Variants in NRG3 observed in about 807,000 individuals in gnomAD.
The protein encoded by NRG3 is pro-neuregulin-3, membrane-bound isoform.
Under a neutral mutation model 66.9 loss-of-function variants are expected in NRG3, and 31 were observed. That is an observed-to-expected ratio of 0.46 (90% confidence interval 0.35 to 0.63). The LOEUF (loss-of-function observed/expected upper bound fraction) is 0.63. Among genes scored for constraint, NRG3 ranks in the 20% least tolerant of loss-of-function variants. NRG3 has a pLI of 0.00. For missense variants in NRG3, 910 were observed against 878.9 expected, an observed-to-expected ratio of 1.04 and a Z score of -0.45; for synonymous variants, 393 against 359.4, an observed-to-expected ratio of 1.09 and a Z score of -1.06.
chr10:82,097,750 G>A (rs1472149001), intron 1 of NRG3, among the ~76,000 whole-genome samples: 3 of 151,924 alleles, frequency 2.0e-5, no homozygotes, highest in Non-Finnish European at 4.4e-5. Context: ...ATTCCTGACA[G>A]CATTTGGTAG....
intron 2 of NRG3, among the ~76,000 whole-genome samples, chr10:82,546,093 T>C (rs1383200058): frequency 6.6e-6 from 1 of 152,180 alleles, no homozygotes; most frequent in Admixed American, 6.5e-5. Context: ...TTAAACTTCA[T>C]TCCTCTGTAA....
At chr10:82,353,149 A>G (rs1291516226) in intron 1 of NRG3, among the ~76,000 whole-genome samples, 1 of 152,182 alleles carries the variant, frequency 6.6e-6, no homozygotes, top group African/African-American at 2.4e-5. Context: ...TGGGAGTGCT[A>G]AAGTGCAAGT....
At chr10:82,080,562 C>T (rs1240362333) in intron 1 of NRG3, among the ~76,000 whole-genome samples, 1 of 152,202 alleles carries the variant, frequency 6.6e-6, no homozygotes, top group East Asian at 1.9e-4. Context: ...GCCTGGTGAT[C>T]CCTGTCCCAT....
intron 2 of NRG3, among the ~76,000 whole-genome samples, chr10:82,417,368 T>C (rs979646910): frequency 9.9e-5 from 15 of 152,176 alleles, no homozygotes; most frequent in Admixed American, 3.9e-4. Flanking sequence ...AATACATGGA[T>C]ATAGATTCCA....
intron 1 of NRG3, among the ~76,000 whole-genome samples, chr10:82,219,472 T>G (rs774709921): frequency 2.1e-4 from 32 of 152,078 alleles, no homozygotes; most frequent in African/African-American, 7.7e-4. Flanking sequence ...TACATAAATG[T>G]CCATTAACCT....
At chr10:82,600,969 A>G (rs990498171) in intron 2 of NRG3, among the ~76,000 whole-genome samples, 6 of 151,936 alleles carry the variant, frequency 3.9e-5, no homozygotes, top group African/African-American at 1.2e-4. Context: ...TGGAGTCTCC[A>G]GTGTCTGTTG....
At chr10:81,990,329 T>C (rs185850502) in intron 1 of NRG3, among the ~76,000 whole-genome samples, 10 of 152,324 alleles carry the variant, frequency 6.6e-5, no homozygotes, top group Admixed American at 2.0e-4. Flanking sequence ...AATTTGAAGA[T>C]AAATCTAAAA....
intron 4 of NRG3, among the ~76,000 whole-genome samples, chr10:82,913,978 C>T (rs189386819): frequency 8.5e-5 from 13 of 152,160 alleles, no homozygotes; most frequent in African/African-American, 1.4e-4. Context: ...ATGTTCTGTT[C>T]CACTGTGTGT....
intron 2 of NRG3, among the ~76,000 whole-genome samples, chr10:82,701,924 G>A (rs2055912202): frequency 6.6e-6 from 1 of 152,138 alleles, no homozygotes; most frequent in East Asian, 1.9e-4. Flanking sequence ...GAAGCCTGGA[G>A]ACTCAGCAAC....
At chr10:82,504,019 C>G (rs1018288428) in intron 2 of NRG3, among the ~76,000 whole-genome samples, 1 of 152,178 alleles carries the variant, frequency 6.6e-6, no homozygotes, top group African/African-American at 2.4e-5. Flanking sequence ...TGAATATGCA[C>G]TGAAATACTG....
chr10:82,711,189 C>T (rs1035337214), intron 2 of NRG3, among the ~76,000 whole-genome samples: 1 of 152,176 alleles, frequency 6.6e-6, no homozygotes, highest in Non-Finnish European at 1.5e-5. Context: ...AGTGATCTTC[C>T]TGCCTTAGCC....
At chr10:82,474,338 A>G (rs1161484873) in intron 2 of NRG3, among the ~76,000 whole-genome samples, 1 of 152,164 alleles carries the variant, frequency 6.6e-6, no homozygotes, top group Admixed American at 6.5e-5. Context: ...TCAAGGAGCT[A>G]AAGAAAAACA....
At chr10:81,943,595 A>G (rs1848580566) in intron 1 of NRG3, among the ~76,000 whole-genome samples, 2 of 152,318 alleles carry the variant, frequency 1.3e-5, no homozygotes, top group South Asian at 2.1e-4. Flanking sequence ...AAGGGGATCA[A>G]TGTAAAGATA....
rs573027113 is a variant in NRG3 at position 82,277,765 on chromosome 10, G to A, written c.824-80974G>A. Among the ~76,000 whole-genome samples the A allele has an allele frequency of 3.7e-4, 56 of 152,118 alleles. No homozygotes were observed. In the South Asian group the frequency reaches 0.012, roughly 32 times the overall value. ...AAAGTTGCTCAAATAATGTTTAAAT[G>A]TGCAATGTTTATGCTTTAGCTGGAT... On this transcript the variant is annotated intron_variant, in intron 1 of 8. Transcript: ENST00000372141.
At chr10:82,831,380 G>A (rs2062512765) in intron 3 of NRG3, among the ~76,000 whole-genome samples, 1 of 152,166 alleles carries the variant, frequency 6.6e-6, no homozygotes, top group South Asian at 2.1e-4. Flanking sequence ...TTAAACTGAT[G>A]TGAACTGACT....
chr10:82,608,729 A>C (rs1482241894), intron 2 of NRG3, among the ~76,000 whole-genome samples: 2 of 152,150 alleles, frequency 1.3e-5, no homozygotes, highest in African/African-American at 4.8e-5. Context: ...CCCTTCCTCC[A>C]GGTCAGTTAG....
At chr10:81,975,167 A>G (rs1396262441) in intron 1 of NRG3, among the ~76,000 whole-genome samples, 1 of 152,186 alleles carries the variant, frequency 6.6e-6, no homozygotes, top group Non-Finnish European at 1.5e-5. Flanking sequence ...CCAAGGTGCC[A>G]GTATCTCTAC....
intron 2 of NRG3, among the ~76,000 whole-genome samples, chr10:82,400,279 G>A (rs919277818): frequency 6.6e-6 from 1 of 152,098 alleles, no homozygotes; most frequent in African/African-American, 2.4e-5. Flanking sequence ...CTAAGCACTA[G>A]ATGTATATTT....
At chr10:82,869,681 C>T (rs976219177) in intron 4 of NRG3, among the ~76,000 whole-genome samples, 1 of 151,474 alleles carries the variant, frequency 6.6e-6, no homozygotes, top group African/African-American at 2.4e-5. Context: ...CATCTCGGCT[C>T]ACTGCAAGCT....
Sources: allele counts gnomAD v4.1 joint callset (sites outside exome capture counted in the v4.1 genomes callset), GRCh38; gene constraint gnomAD v4.1.1; transcripts MANE v1.5; gene names NCBI Gene and HGNC (gene_info 2026-07-23, HGNC 2026-07-21).